FRMD3: variants seen among roughly 807,000 people sequenced by gnomAD.
The protein encoded by FRMD3 is FERM domain-containing protein 3.
Under a neutral mutation model 70.2 loss-of-function variants are expected in FRMD3, and 33 were observed. The observed-to-expected ratio is 0.47, with a 90% CI of 0.36 to 0.63. FRMD3 has a LOEUF of 0.63. FRMD3 is among the 20% of genes least tolerant of loss of function. FRMD3 has a pLI of 0.00. For synonymous variants in FRMD3, 279 were observed against 255.9 expected (o/e 1.09, Z -0.86); for missense variants, 632 against 711.4 (o/e 0.89, Z 1.27).
At chr9:83,421,479 A>T (rs78839330) in intron 1 of FRMD3, among the ~76,000 whole-genome samples, 5,830 of 152,246 alleles carry the variant, frequency 0.038, 203 homozygotes, top group East Asian at 0.16. Context: ...ATGCAGAAAA[A>T]ATTATTTGCT....
chr9:83,259,418 A>G (rs1325876144), intron 13 of FRMD3, among the ~76,000 whole-genome samples: 1 of 152,136 alleles, frequency 6.6e-6, no homozygotes, highest in Non-Finnish European at 1.5e-5. Context: ...CTCATGGCAC[A>G]TGTCACCACC....
intron 11 of FRMD3, 39 bp from the exon 12 acceptor site, chr9:83,298,855 C>A: frequency 1.3e-6 from 2 of 1,581,790 alleles, no homozygotes; most frequent in South Asian, 2.2e-5. Flanking sequence ...CACACATAGT[C>A]AGAGAAGAAT....
intron 1 of FRMD3, among the ~76,000 whole-genome samples, chr9:83,469,700 A>T (rs1828219967): frequency 6.6e-6 from 1 of 152,194 alleles, no homozygotes; most frequent in African/African-American, 2.4e-5. Context: ...AAAAAAACAC[A>T]TTAAACTGGA....
intron 6 of FRMD3, chr9:83,332,043 C>T (rs1444049092): frequency 1.6e-5 from 10 of 625,040 alleles, no homozygotes; most frequent in East Asian, 5.5e-5. Context: ...CAATGGTGGG[C>T]GGAGCCCCCC....
intron 13 of FRMD3, chr9:83,266,968 G>A (rs771163832): frequency 2.5e-4 from 390 of 1,533,658 alleles, no homozygotes; most frequent in Non-Finnish European, 3.2e-4. Flanking sequence ...CTGGAAGCCC[G>A]CACACTTCAG....
At chr9:83,583,294 C>A in the FRMD3 span, among the ~76,000 whole-genome samples, 1 of 152,156 alleles carries the variant, frequency 6.6e-6, no homozygotes, top group Non-Finnish European at 1.5e-5. Context: ...TCTCGCTACT[C>A]ACACTTGATT....
At chr9:83,435,979 A>G (rs965835929) in intron 1 of FRMD3, among the ~76,000 whole-genome samples, 4 of 152,194 alleles carry the variant, frequency 2.6e-5, no homozygotes, top group African/African-American at 4.8e-5. Context: ...TTAAATCCCC[A>G]CAAACTAATT....
At chr9:83,530,757 C>T (rs1829777358) in intron 1 of FRMD3, among the ~76,000 whole-genome samples, 1 of 151,940 alleles carries the variant, frequency 6.6e-6, no homozygotes, top group Admixed American at 6.6e-5. Flanking sequence ...TTCCAGGATT[C>T]CCCAGACAAC....
At chr9:83,441,437 T>C (rs10481736) in intron 1 of FRMD3, among the ~76,000 whole-genome samples, 87,159 of 151,892 alleles carry the variant, frequency 0.57, 26,168 homozygotes, top group African/African-American at 0.77. Flanking sequence ...TGGATCTAAA[T>C]GATGCCTCCA....
At chr9:83,439,993 CAA>C (rs1788545419) in intron 1 of FRMD3, among the ~76,000 whole-genome samples, 1 of 152,138 alleles carries the variant, frequency 6.6e-6, no homozygotes, top group Non-Finnish European at 1.5e-5. Context: ...CTCAAGGTCT[CAA>C]AACACACACT....
At chr9:83,500,341 C>A (rs1438364141) in intron 1 of FRMD3, among the ~76,000 whole-genome samples, 4 of 140,228 alleles carry the variant, frequency 2.9e-5, no homozygotes, top group African/African-American at 1.0e-4. Flanking sequence ...AGATGGGAAC[C>A]CTCTGTACTC....
intron 6 of FRMD3, among the ~76,000 whole-genome samples, chr9:83,333,960 T>C (rs923234041): frequency 6.6e-6 from 1 of 152,168 alleles, no homozygotes; most frequent in Non-Finnish European, 1.5e-5. Context: ...GCACAATGTT[T>C]TGGCATCTAG....
intron 1 of FRMD3, among the ~76,000 whole-genome samples, chr9:83,507,687 C>CACATAT (rs1374507996): frequency 6.6e-4 from 31 of 46,926 alleles, no homozygotes; most frequent in Middle Eastern, 0.015. Context: ...AAAAAATATA[C>CACATAT]ATACATATAT....
At position 83,247,738 on chromosome 9, in the gene FRMD3, A is replaced by G. The variant is rs148263096; in HGVS notation, c.*180T>C. 2.8e-6 allele frequency: 4 copies of G among 1,447,864 alleles called. No homozygotes were observed. In the African/African-American group the frequency reaches 4.2e-5, roughly 15 times the overall value. 89.7% of individuals were successfully genotyped at this position (1,447,864 alleles called of 1,614,324 possible). A position where few individuals can be genotyped will look rare whatever the true frequency, so the allele number is the denominator to read the frequency against. On this transcript the variant is annotated 3_prime_UTR_variant, in exon 14 of 14. Coordinates refer to ENST00000304195, the MANE Select transcript of FRMD3 (RefSeq NM_174938.6). ...CCTAACCTGTAACTAAAATAACTGT[A>G]TTTGATTTAAACTTATTTAAGTGCA... is the stretch of plus-strand genomic sequence containing the variant.
chr9:83,331,469 C>T (rs1223926423), intron 6 of FRMD3, among the ~76,000 whole-genome samples: 1 of 152,048 alleles, frequency 6.6e-6, no homozygotes, highest in Non-Finnish European at 1.5e-5. Flanking sequence ...ATTTTTAGGA[C>T]AGGGAAACTA....
At chr9:83,413,720 A>G (rs1020694210) in intron 1 of FRMD3, among the ~76,000 whole-genome samples, 5 of 152,204 alleles carry the variant, frequency 3.3e-5, no homozygotes, top group African/African-American at 1.2e-4. Flanking sequence ...TCAGAAATCC[A>G]TGGGCATAAA....
At chr9:83,348,770 T>C (rs939562400) in intron 4 of FRMD3, among the ~76,000 whole-genome samples, 2 of 152,030 alleles carry the variant, frequency 1.3e-5, no homozygotes, top group African/African-American at 2.4e-5. Context: ...CAAACCTTAC[T>C]AAATGACTGT....
intron 3 of FRMD3, among the ~76,000 whole-genome samples, chr9:83,362,061 C>A (rs1824602546): frequency 2.0e-5 from 3 of 152,170 alleles, no homozygotes; most frequent in Non-Finnish European, 1.5e-5. Context: ...GAAACTAACA[C>A]ACTCAGCAAG....
At chr9:83,389,317 A>G (rs1825599038) in intron 2 of FRMD3, among the ~76,000 whole-genome samples, 2 of 152,060 alleles carry the variant, frequency 1.3e-5, no homozygotes, top group African/African-American at 4.8e-5. Flanking sequence ...TTATGTAGCC[A>G]TTGTTTGAGG....
Sources: allele counts gnomAD v4.1 joint callset (sites outside exome capture counted in the v4.1 genomes callset), GRCh38; gene constraint gnomAD v4.1.1; transcripts MANE v1.5; gene names NCBI Gene and HGNC (gene_info 2026-07-23, HGNC 2026-07-21).